The following TLK1 variants were observed in gnomAD, a reference collection of about 807,000 sequenced individuals.
TLK1 encodes the protein serine/threonine-protein kinase tousled-like 1.
A neutral mutation model predicts 105.3 loss-of-function variants in TLK1; 24 were observed. That is an observed-to-expected ratio of 0.23 (90% CI 0.17 to 0.32). The LOEUF is 0.32. TLK1 is among the 10% of genes least tolerant of loss of function. TLK1 has a pLI of 1.00. For missense variants in TLK1, 558 were observed against 910.5 expected, an observed-to-expected ratio of 0.61 and a Z score of 4.98; for synonymous variants, 321 against 310.4, an observed-to-expected ratio of 1.03 and a Z score of -0.36.
intron 2 of TLK1, among the ~76,000 whole-genome samples, chr2:171,108,235 T>C (rs767245612): frequency 1.1e-4 from 16 of 152,152 alleles, no homozygotes; most frequent in Non-Finnish European, 2.2e-4. Context: ...AACTTATCTA[T>C]AGGTATAGAT....
intron 1 of TLK1, among the ~76,000 whole-genome samples, chr2:171,135,938 T>G (rs1399044308): frequency 6.6e-6 from 1 of 152,168 alleles, no homozygotes; most frequent in East Asian, 1.9e-4. Flanking sequence ...TGGGAACCTT[T>G]GTGTACTGTC....
chr2:171,076,772 G>GGCGTGGT (rs1688531159), intron 3 of TLK1, among the ~76,000 whole-genome samples: 1 of 151,520 alleles, frequency 6.6e-6, no homozygotes, highest in Admixed American at 6.6e-5. Context: ...AAATCAGCCA[G>GGCGTGGT]GCGTGGTGGT....
chr2:171,148,371 C>T, intron 1 of TLK1, among the ~76,000 whole-genome samples: 1 of 151,028 alleles, frequency 6.6e-6, no homozygotes, highest in Middle Eastern at 3.2e-3. Flanking sequence ...GAAGTGTGGA[C>T]TTGGGTTGAC....
At chr2:171,183,822 A>G (rs567513094) in intron 1 of TLK1, among the ~76,000 whole-genome samples, 5 of 152,142 alleles carry the variant, frequency 3.3e-5, no homozygotes, top group Non-Finnish European at 5.9e-5. Flanking sequence ...TCAGTAATTT[A>G]TTCTTCATTT....
chr2:171,006,346 T>C, intron 17 of TLK1, 64 bp from the exon 18 acceptor site: 5 of 1,486,482 alleles, frequency 3.4e-6, no homozygotes, highest in African/African-American at 1.4e-5. Context: ...TTAATAACTT[T>C]TAATTTTACT....
chr2:171,113,557 G>C (rs1353430672), intron 2 of TLK1, among the ~76,000 whole-genome samples: 1 of 152,100 alleles, frequency 6.6e-6, no homozygotes, highest in African/African-American at 2.4e-5. Context: ...ACAAGCGTGA[G>C]CCACCACACC....
intron 12 of TLK1, among the ~76,000 whole-genome samples, chr2:171,017,659 T>C (rs1034303433): frequency 7.9e-5 from 12 of 152,178 alleles, no homozygotes; most frequent in Middle Eastern, 3.2e-3. Flanking sequence ...TAAAGCAAGC[T>C]TTTTTTATTT....
chr2:171,033,383 TGGAGATAGAG>T (rs1686143644), intron 11 of TLK1, among the ~76,000 whole-genome samples: 2 of 148,322 alleles, frequency 1.3e-5, no homozygotes, highest in Admixed American at 6.8e-5. Flanking sequence ...ACTGAATTCA[TGGAGATAGAG>T]AGTAGGATGA....
chr2:171,064,566 C>T (rs921547152), intron 3 of TLK1, among the ~76,000 whole-genome samples: 2 of 152,128 alleles, frequency 1.3e-5, no homozygotes, highest in African/African-American at 4.8e-5. Context: ...CTTTTATTCT[C>T]TATTTTTTCT....
At chr2:171,078,026 C>G (rs1052899852) in intron 3 of TLK1, among the ~76,000 whole-genome samples, 2 of 152,160 alleles carry the variant, frequency 1.3e-5, no homozygotes, top group African/African-American at 2.4e-5. Context: ...TAATTAACAC[C>G]TATGCCAAAG....
intron 1 of TLK1, among the ~76,000 whole-genome samples, chr2:171,184,599 G>A (rs1388358126): frequency 2.1e-5 from 3 of 144,028 alleles, no homozygotes; most frequent in African/African-American, 5.2e-5. Context: ...CAGAGATCAC[G>A]CCATTGCACT....
intron 1 of TLK1, among the ~76,000 whole-genome samples, chr2:171,191,887 T>G (rs1693161975): frequency 6.6e-6 from 1 of 152,212 alleles, no homozygotes; most frequent in Middle Eastern, 3.4e-3. Flanking sequence ...GATGCTACTA[T>G]GCATCTCCTG....
At chr2:171,205,581 C>T (rs905869829) in intron 1 of TLK1, among the ~76,000 whole-genome samples, 8 of 151,870 alleles carry the variant, frequency 5.3e-5, no homozygotes, top group African/African-American at 1.7e-4. Context: ...ACCTTGGCCT[C>T]CCAAAGTGTT....
intron 18 of TLK1, 84 bp downstream of exon 18, chr2:171,006,063 G>A: frequency 1.5e-6 from 2 of 1,320,936 alleles, no homozygotes; most frequent in Non-Finnish European, 2.0e-6. Context: ...ATGGCTACAT[G>A]GAAATAAAAA....
rs71008743 is a variant in TLK1, at chr2:171,009,291, C to CTTTTTTTTT, written c.1416+2073_1416+2081dup. 1.6e-4 allele frequency among the ~76,000 whole-genome samples: 12 copies of CTTTTTTTTT among 74,842 alleles called. 2 individuals are homozygous for CTTTTTTTTT. Among genetic ancestry groups the CTTTTTTTTT allele is most frequent in the African/African-American group, 6.7e-4 (11 of 16,386 alleles). The allele number at this position is 74,842 out of a possible 152,430, so 49.1% of individuals were successfully genotyped here. On this transcript the variant is annotated intron_variant, in intron 14 of 20. Transcript: ENST00000431350. ...CATGCAACAGTCAGGATTTCTTTTC[C>CTTTTTTTTT]TTTTTTTTTTTTTTTTTTTTTTTTT...
At chr2:171,081,182 C>CTTAA (rs1039283772) in intron 3 of TLK1, among the ~76,000 whole-genome samples, 11 of 152,128 alleles carry the variant, frequency 7.2e-5, no homozygotes, top group Admixed American at 1.3e-4. Context: ...TCCTTGGGAT[C>CTTAA]TTTAAAGGGA....
At chr2:171,069,136 A>G (rs1688140254) in intron 3 of TLK1, among the ~76,000 whole-genome samples, 1 of 152,216 alleles carries the variant, frequency 6.6e-6, no homozygotes, top group Non-Finnish European at 1.5e-5. Context: ...AATATTTCCA[A>G]AGAGTACCAT....
At chr2:171,153,400 A>T (rs1278492219) in intron 1 of TLK1, among the ~76,000 whole-genome samples, 1 of 152,246 alleles carries the variant, frequency 6.6e-6, no homozygotes, top group African/African-American at 2.4e-5. Flanking sequence ...AGAATTACTA[A>T]AATAAGCATC....
chr2:171,121,258 T>C (rs1575609751), intron 1 of TLK1, among the ~76,000 whole-genome samples: 1 of 152,074 alleles, frequency 6.6e-6, no homozygotes, highest in South Asian at 2.1e-4. Flanking sequence ...TAATTAGATG[T>C]CGCGGCGCCT....
Sources: allele counts gnomAD v4.1 joint callset (sites outside exome capture counted in the v4.1 genomes callset), GRCh38; gene constraint gnomAD v4.1.1; transcripts MANE v1.5; gene names NCBI Gene and HGNC (gene_info 2026-07-23, HGNC 2026-07-21).